Variants in PTBP3 observed in about 807,000 individuals in gnomAD.
PTBP3 encodes polypyrimidine tract binding protein 3, also known as polypyrimidine tract-binding protein 3.
In PTBP3, 20 loss-of-function variants were observed where a neutral mutation model predicts 58.7. The observed-to-expected ratio is 0.34, with a 90% CI of 0.24 to 0.50. The LOEUF is 0.50. Among genes scored for constraint, PTBP3 ranks in the 20% least tolerant of loss-of-function variants. PTBP3 has a pLI of 0.98. For synonymous variants in PTBP3, 185 were observed against 219.8 expected, an observed-to-expected ratio of 0.84 and a Z score of 1.40; for missense variants, 509 against 637.2, an observed-to-expected ratio of 0.80 and a Z score of 2.17.
In PTBP3 at chr9:112,221,645, A is replaced by C; in HGVS notation, c.*2206T>G. On this transcript the variant is annotated 3_prime_UTR_variant, in exon 14 of 14. Transcript: ENST00000374257. ...CAAAACTTATTTCATAAGTAAAAAAACAAAAAACTAAAAACTCCCACAACT... is the reference window on the plus strand; with the variant it reads ...CAAAACTTATTTCATAAGTAAAAAACCAAAAAACTAAAAACTCCCACAACT... 1.0e-6 allele frequency: 1 copy of C among 985,360 alleles called. No individual in the cohort carries two copies. Among genetic ancestry groups the C allele is most frequent in the South Asian group, 4.7e-5 (1 of 21,288 alleles). 61.0% of individuals were successfully genotyped at this position (985,360 alleles called of 1,614,324 possible).
At chr9:112,290,705 T>C (rs367850471) in intron 2 of PTBP3, among the ~76,000 whole-genome samples, 28,876 of 70,722 alleles carry the variant, frequency 0.41, 4,299 homozygotes, top group Non-Finnish European at 0.5. Context: ...TATATATATA[T>C]ATACACACAC....
chr9:112,372,670 C>T, the PTBP3 span, among the ~76,000 whole-genome samples: 3 of 152,058 alleles, frequency 2.0e-5, no homozygotes, highest in Non-Finnish European at 4.4e-5. Flanking sequence ...AAATAGGTGA[C>T]CTTTTGTGTC....
intron 7 of PTBP3, among the ~76,000 whole-genome samples, chr9:112,249,904 A>G (rs565022736): frequency 3.3e-5 from 5 of 152,100 alleles, no homozygotes; most frequent in East Asian, 3.9e-4. Flanking sequence ...GCCAAATCAG[A>G]TAAGTAAGTT....
At chr9:112,286,091 A>G (rs779734231) in intron 2 of PTBP3, among the ~76,000 whole-genome samples, 21 of 152,202 alleles carry the variant, frequency 1.4e-4, no homozygotes, top group Non-Finnish European at 2.5e-4. Context: ...TCTTTTGCCC[A>G]AAGTCAACTT....
chr9:112,376,199 G>GTA, the PTBP3 span, among the ~76,000 whole-genome samples: 1 of 2,252 alleles, frequency 4.4e-4, no homozygotes, highest in Admixed American at 1.0e-3. Flanking sequence ...CCTTATATAC[G>GTA]TGTGTGTGTG....
chr9:112,347,095 T>C, the PTBP3 span, among the ~76,000 whole-genome samples: 215 of 152,314 alleles, frequency 1.4e-3, no homozygotes, highest in African/African-American at 5.0e-3. Context: ...AAAATATTCA[T>C]AGCATCACTG....
chr9:112,280,074 T>C (rs1275537423), intron 2 of PTBP3, among the ~76,000 whole-genome samples: 1 of 152,176 alleles, frequency 6.6e-6, no homozygotes, highest in African/African-American at 2.4e-5. Context: ...TATTTATTTA[T>C]TTATAGATGG....
intron 1 of PTBP3, among the ~76,000 whole-genome samples, chr9:112,306,717 G>A (rs1308433635): frequency 6.6e-6 from 1 of 151,848 alleles, no homozygotes; most frequent in Non-Finnish European, 1.5e-5. Flanking sequence ...CTGGGTTCAA[G>A]CGATTCTCCT....
chr9:112,369,078 G>T, the PTBP3 span, among the ~76,000 whole-genome samples: 1 of 152,244 alleles, frequency 6.6e-6, no homozygotes, highest in East Asian at 1.9e-4. Context: ...GATTTCACAG[G>T]ATGTATAGAA....
intron 1 of PTBP3, among the ~76,000 whole-genome samples, chr9:112,300,478 C>A: frequency 6.6e-6 from 1 of 152,224 alleles, no homozygotes; most frequent in African/African-American, 2.4e-5. Context: ...CACGGCCGGG[C>A]GTGGTGGCTC....
chr9:112,270,222 G>A lies in PTBP3; in HGVS notation c.205-2027C>T, dbSNP rs140887709. Among the ~76,000 whole-genome samples, 526 of 152,066 alleles carry A rather than the reference G, an allele frequency of 3.5e-3. 1 individual carries two copies. Among genetic ancestry groups the A allele is most frequent in the Non-Finnish European group, 5.0e-3 (340 of 67,954 alleles). On this transcript the variant is annotated intron_variant, in intron 3 of 13. Transcript: ENST00000374257. ...CTCCCAGAATGCTGGGATTACAGGC[G>A]TCACCAAATCCTTCTCCGTACTCAA...
At chr9:112,358,218 G>A in the PTBP3 span, among the ~76,000 whole-genome samples, 1 of 152,156 alleles carries the variant, frequency 6.6e-6, no homozygotes, top group Admixed American at 6.5e-5. Context: ...GCTGAGGCAG[G>A]AGAATTGCTT....
chr9:112,254,085 G>C (rs1836248089), intron 5 of PTBP3, among the ~76,000 whole-genome samples: 1 of 152,072 alleles, frequency 6.6e-6, no homozygotes, highest in African/African-American at 2.4e-5. Context: ...CCACCTCCCA[G>C]GCTCATGCGA....
chr9:112,240,865 G>A (rs1835631484), intron 7 of PTBP3, among the ~76,000 whole-genome samples: 1 of 151,702 alleles, frequency 6.6e-6, no homozygotes, highest in African/African-American at 2.4e-5. Flanking sequence ...ATGTGTCTTA[G>A]TTTTTAACAA....
intron 1 of PTBP3, 52 bp from the exon 2 acceptor site, chr9:112,297,968 C>T (rs765369256): frequency 2.2e-6 from 3 of 1,374,640 alleles, no homozygotes; most frequent in African/African-American, 2.9e-5. Context: ...AGATAATGGT[C>T]CATATTTACT....
At chr9:112,374,780 T>C in the PTBP3 span, among the ~76,000 whole-genome samples, 4 of 152,176 alleles carry the variant, frequency 2.6e-5, no homozygotes, top group Non-Finnish European at 4.4e-5. Context: ...GCAGAAGCAT[T>C]GTGTACAAGA....
upstream of PTBP3, among the ~76,000 whole-genome samples, chr9:112,336,282 G>T (rs1480053525): frequency 6.6e-6 from 1 of 152,126 alleles, no homozygotes; most frequent in Non-Finnish European, 1.5e-5. Flanking sequence ...GAATGTATGA[G>T]TATCTTTGCA....
At chr9:112,333,724 C>T (rs1830489996), upstream of PTBP3, 1 of 364,566 alleles carries the variant, frequency 2.7e-6, no homozygotes, top group Non-Finnish European at 4.8e-6. Context: ...CCCTCACCGT[C>T]CCCGCCCTCC....
In PTBP3 at chr9:112,220,776, T is replaced by C. The variant is rs765509304; in HGVS notation, c.*3075A>G. On this transcript the variant is annotated 3_prime_UTR_variant, in exon 14 of 14. Coordinates refer to ENST00000374257, the MANE Select transcript of PTBP3 (RefSeq NM_001163788.4). The stretch of plus-strand genomic sequence containing the variant: ...AAATCATTTTGGTGTAATTCGCTAC[T>C]GTTAAATGTGTACTGCTATTTTTTA... The C allele has an allele frequency of 9.5e-5, 93 of 982,734 alleles. No individual in the cohort carries two copies. Among genetic ancestry groups the C allele is most frequent in the Non-Finnish European group, 1.1e-4 (90 of 827,486 alleles). The allele number at this position is 982,734 out of a possible 1,614,324, so 60.9% of individuals were successfully genotyped here.
Sources: gnomAD v4.1 joint callset for allele counts (sites outside exome capture counted in the v4.1 genomes callset) on GRCh38, gnomAD v4.1.1 for gene constraint, MANE v1.5 for transcripts, NCBI Gene and HGNC (gene_info 2026-07-23, HGNC 2026-07-21) for gene names.